Variants in ALOX5 observed in about 807,000 individuals in gnomAD.
ALOX5 encodes the protein polyunsaturated fatty acid 5-lipoxygenase.
Under a neutral mutation model 87.9 loss-of-function variants are expected in ALOX5, and 64 were observed. The observed-to-expected ratio is 0.73, with a 90% CI of 0.60 to 0.90. The LOEUF is 0.90. Ranked by LOEUF, ALOX5 falls within the 40% of genes least tolerant of loss-of-function variation. The probability of loss-of-function intolerance (pLI) is 0.00; values close to 1 mark genes in which losing one functional copy is unlikely to be tolerated. For synonymous variants in ALOX5, 388 were observed against 355.1 expected, an observed-to-expected ratio of 1.09 and a Z score of -1.04; for missense variants, 822 against 907.5, an observed-to-expected ratio of 0.91 and a Z score of 1.21.
chr10:45,438,663 T>C (rs1842130515), intron 7 of ALOX5, among the ~76,000 whole-genome samples: 1 of 152,148 alleles, frequency 6.6e-6, no homozygotes, highest in Non-Finnish European at 1.5e-5. Flanking sequence ...CAAACGGGTG[T>C]GGCAGTGGGG....
chr10:45,382,634 A>C lies in ALOX5; in HGVS notation c.302A>C (p.Tyr101Ser), dbSNP rs760078796. ...GGGGACTACATCGAGTTCCCCTGCTACCGCTGGATCACCGGCGATGTCGAG... is the reference window on the plus strand; with the variant it reads ...GGGGACTACATCGAGTTCCCCTGCTCCCGCTGGATCACCGGCGATGTCGAG... ...PHGDYIEFPC[Y>S]RWITGDVEVV... The change falls in exon 2 of 14, where the codon TAC becomes TCC. Residue 101 changes from tyrosine to serine, a missense_variant. By Grantham distance (144) the Tyr-to-Ser change is moderately radical (BLOSUM62 -2). Coordinates refer to ENST00000374391, the MANE Select transcript of ALOX5 (RefSeq NM_000698.5). The C allele has an allele frequency of 6.2e-7, 1 of 1,613,916 alleles. No individual in the cohort carries two copies. Among genetic ancestry groups the C allele is most frequent in the Non-Finnish European group, 8.5e-7 (1 of 1,179,990 alleles).
At chr10:45,395,803 G>A (rs1252296797) in intron 2 of ALOX5, 52 bp from the exon 3 acceptor site, 35 of 1,525,966 alleles carry the variant, frequency 2.3e-5, no homozygotes, top group Non-Finnish European at 3.1e-5. Context: ...TTGGCATTGG[G>A]CATTGTTATT....
chr10:45,419,664 G>C (rs921787515), intron 4 of ALOX5, among the ~76,000 whole-genome samples: 3 of 152,274 alleles, frequency 2.0e-5, no homozygotes, highest in African/African-American at 4.8e-5. Context: ...AGGATCGCTT[G>C]AGCCGGGGAG....
chr10:45,408,613 G>C (rs7089406), intron 3 of ALOX5, among the ~76,000 whole-genome samples: 3,410 of 152,254 alleles, frequency 0.022, 58 homozygotes, highest in Middle Eastern at 0.051. Context: ...CTGTGTTGAT[G>C]TGAATGCTGA....
intron 2 of ALOX5, among the ~76,000 whole-genome samples, chr10:45,384,426 C>G (rs1839945714): frequency 2.0e-5 from 3 of 152,192 alleles, no homozygotes; most frequent in Non-Finnish European, 4.4e-5. Flanking sequence ...TGTTCATGCT[C>G]TTGCAGGTCA....
At chr10:45,419,923 G>A (rs188685881) in intron 4 of ALOX5, among the ~76,000 whole-genome samples, 23 of 152,294 alleles carry the variant, frequency 1.5e-4, no homozygotes, top group African/African-American at 4.8e-4. Context: ...AAGTGATGGC[G>A]GAGGAAAGAG....
intron 3 of ALOX5, among the ~76,000 whole-genome samples, chr10:45,398,456 T>C (rs1461265579): frequency 6.6e-6 from 1 of 152,184 alleles, no homozygotes; most frequent in Non-Finnish European, 1.5e-5. Flanking sequence ...ACTCTTGATA[T>C]GACACCAAAA....
chr10:45,381,827 C>G (rs1180220578), intron 1 of ALOX5, among the ~76,000 whole-genome samples: 2 of 152,220 alleles, frequency 1.3e-5, no homozygotes, highest in African/African-American at 4.8e-5. Context: ...TGAGCCTTGT[C>G]AGGGGCAGGC....
intron 7 of ALOX5, among the ~76,000 whole-genome samples, chr10:45,439,920 C>G (rs1842172901): frequency 6.6e-6 from 1 of 152,096 alleles, no homozygotes; most frequent in Non-Finnish European, 1.5e-5. Flanking sequence ...GGGCCCCAAG[C>G]CTTTAAACAG....
intron 7 of ALOX5, among the ~76,000 whole-genome samples, chr10:45,435,530 G>A (rs1401900470): frequency 6.6e-6 from 1 of 152,080 alleles, no homozygotes; most frequent in African/African-American, 2.4e-5. Context: ...TCGATTTTCT[G>A]TTTCTGGGTT....
chr10:45,423,024 C>T (rs75697371), intron 4 of ALOX5, among the ~76,000 whole-genome samples: 1,816 of 152,314 alleles, frequency 0.012, 20 homozygotes, highest in Non-Finnish European at 0.014. Context: ...ACCCCACCCT[C>T]GTGACCTCGT....
chr10:45,404,668 C>G (rs182668490), intron 3 of ALOX5, among the ~76,000 whole-genome samples: 2 of 152,208 alleles, frequency 1.3e-5, no homozygotes, highest in African/African-American at 2.4e-5. Context: ...TGCGCTCGTC[C>G]GCTCTCCTGC....
chr10:45,422,965 G>A (rs891887254), intron 4 of ALOX5, among the ~76,000 whole-genome samples: 1 of 152,152 alleles, frequency 6.6e-6, no homozygotes. Flanking sequence ...GCATGAATAA[G>A]CCCTCGGTGC....
intron 7 of ALOX5, among the ~76,000 whole-genome samples, chr10:45,437,304 G>T (rs184932088): frequency 1.1e-3 from 168 of 152,322 alleles, no homozygotes; most frequent in Non-Finnish European, 2.2e-3. Context: ...AGTGAGCTGC[G>T]ATCACACCAC....
intron 3 of ALOX5, among the ~76,000 whole-genome samples, chr10:45,402,086 CAA>C (rs10649706): frequency 4.9e-5 from 5 of 101,110 alleles, no homozygotes; most frequent in Admixed American, 1.1e-4. Context: ...GACTCCGTCT[CAA>C]AAAAAAAAAA....
intron 7 of ALOX5, among the ~76,000 whole-genome samples, chr10:45,431,300 A>C (rs1451159749): frequency 1.3e-5 from 2 of 152,182 alleles, no homozygotes; most frequent in Admixed American, 1.3e-4. Context: ...ATTATTTTAG[A>C]GGTCATACCA....
chr10:45,397,219 A>C (rs1840543867), intron 3 of ALOX5, among the ~76,000 whole-genome samples: 1 of 152,136 alleles, frequency 6.6e-6, no homozygotes, highest in Non-Finnish European at 1.5e-5. Flanking sequence ...CGTCTATACT[A>C]AAATACAAAA....
intron 4 of ALOX5, among the ~76,000 whole-genome samples, chr10:45,419,878 G>C (rs534348105): frequency 6.6e-6 from 1 of 152,238 alleles, no homozygotes. Flanking sequence ...GTAGCAGCAG[G>C]AGGAAGGGTG....
rs1589032100 is a variant in ALOX5, at chr10:45,424,154, G to A, written c.661+7G>A. ...ATCAGCAACACTATTTCTGGTGAGTGTGCCTCTGGGGGCCCAAGTGGTGCT... is the reference window on the plus strand; with the variant it reads ...ATCAGCAACACTATTTCTGGTGAGTATGCCTCTGGGGGCCCAAGTGGTGCT... On this transcript the variant is annotated splice_region_variant and intron_variant, in intron 5 of 13. Coordinates refer to ENST00000374391, the MANE Select transcript of ALOX5 (RefSeq NM_000698.5). 1 of 1,608,648 alleles carries A rather than the reference G, an allele frequency of 6.2e-7. No homozygotes were observed. The highest frequency in any genetic ancestry group is 2.2e-5 in the East Asian group (1 of 44,850).
Sources: allele counts gnomAD v4.1 joint callset (sites outside exome capture counted in the v4.1 genomes callset), GRCh38; gene constraint gnomAD v4.1.1; transcripts MANE v1.5; gene names NCBI Gene and HGNC (gene_info 2026-07-23, HGNC 2026-07-21).